The following BMPR1A variants were observed in gnomAD, a reference collection of about 807,000 sequenced individuals.
BMPR1A encodes bone morphogenetic protein receptor type 1A.
Under a neutral mutation model 66.0 loss-of-function variants are expected in BMPR1A, and 7 were observed. That is an observed-to-expected ratio of 0.11 (90% CI 0.06 to 0.20). The LOEUF (loss-of-function observed/expected upper bound fraction) is 0.20, where lower values mean the gene tolerates loss of function less well. Among genes scored for constraint, BMPR1A ranks in the 10% least tolerant of loss-of-function variants. BMPR1A has a pLI of 1.00. For missense variants in BMPR1A, 408 were observed against 669.1 expected (o/e 0.61, Z 4.31); for synonymous variants, 200 against 229.7 (o/e 0.87, Z 1.17).
chr10:86,882,975 C>CA (rs769511232), intron 3 of BMPR1A, among the ~76,000 whole-genome samples: 7 of 151,602 alleles, frequency 4.6e-5, no homozygotes, highest in Non-Finnish European at 8.8e-5. Context: ...AAAAAACAAA[C>CA]AAAAAAACCA....
intron 5 of BMPR1A, among the ~76,000 whole-genome samples, chr10:86,897,271 T>G (rs528077278): frequency 5.1e-4 from 78 of 152,254 alleles, no homozygotes; most frequent in Non-Finnish European, 9.4e-4. Context: ...AGTCTAGAAA[T>G]ACAAAATTGA....
chr10:86,759,661 T>G (rs1380994888), intron 1 of BMPR1A, among the ~76,000 whole-genome samples: 1 of 152,234 alleles, frequency 6.6e-6, no homozygotes, highest in Non-Finnish European at 1.5e-5. Context: ...GAATTCATAT[T>G]GGTGTGAAGG....
intron 2 of BMPR1A, among the ~76,000 whole-genome samples, chr10:86,871,028 T>A (rs1443613852): frequency 1.3e-5 from 2 of 152,162 alleles, no homozygotes; most frequent in African/African-American, 4.8e-5. Flanking sequence ...CTACACTATC[T>A]CTTATTCTCA....
At chr10:86,879,889 A>G (rs1168758391) in intron 3 of BMPR1A, among the ~76,000 whole-genome samples, 1 of 152,216 alleles carries the variant, frequency 6.6e-6, no homozygotes, top group African/African-American at 2.4e-5. Flanking sequence ...TCACTGCTCC[A>G]TAGCATGTAG....
At position 86,828,980 on chromosome 10, in the gene BMPR1A, T is replaced by C. The variant is rs923747341; in HGVS notation, c.-267-9885T>C. Among the ~76,000 whole-genome samples, 12 of 152,138 alleles carry C rather than the reference T, an allele frequency of 7.9e-5. No individual in the cohort carries two copies. The East Asian group carries it at 2.3e-3, about 29-fold the overall frequency. On this transcript the variant is annotated intron_variant, in intron 1 of 12. Transcript: ENST00000372037. ...TGCAAAAGAACATAGAGCTGGGTGA[T>C]TTTCTGGGGTTCAGTCTGTTGCGGG...
Position 86,862,091 on chromosome 10 carries a change from T to C in BMPR1A, c.-152-13776T>C, listed in dbSNP as rs529580169. On this transcript the variant is annotated intron_variant, in intron 2 of 12. Coordinates refer to ENST00000372037, the MANE Select transcript of BMPR1A (RefSeq NM_004329.3). The stretch of plus-strand genomic sequence containing the variant: ...AAACAGACTAACCCTCCTGGCCTCA[T>C]GGAGCATATATTCTAGAGCAGGTGG... 1.5e-4 allele frequency among the ~76,000 whole-genome samples: 23 copies of C among 152,282 alleles called. No homozygotes were observed. The East Asian group carries it at 3.9e-3, about 26-fold the overall frequency.
chr10:86,820,218 T>C (rs1207179249), intron 1 of BMPR1A, among the ~76,000 whole-genome samples: 1 of 152,150 alleles, frequency 6.6e-6, no homozygotes, highest in East Asian at 1.9e-4. Context: ...GTTTAAAAAT[T>C]TTTGGGTAGA....
At chr10:86,931,298 C>CACATATATATATATATATATAT, downstream of BMPR1A, 3 of 90,926 alleles carry the variant, frequency 3.3e-5, no homozygotes, top group African/African-American at 2.1e-4. Flanking sequence ...CACACACACA[C>CACATATATATATATATATATAT]ATATATATAT....
chr10:86,881,129 T>G (rs1243779529), intron 3 of BMPR1A, among the ~76,000 whole-genome samples: 2 of 152,156 alleles, frequency 1.3e-5, no homozygotes, highest in Non-Finnish European at 2.9e-5. Context: ...TGTGCCTGTA[T>G]TCCTGGCTGA....
At chr10:86,866,594 G>C (rs548200694) in intron 2 of BMPR1A, among the ~76,000 whole-genome samples, 6 of 151,616 alleles carry the variant, frequency 4.0e-5, no homozygotes, top group African/African-American at 1.2e-4. Flanking sequence ...ATTTTTAGTA[G>C]AGACAGGGTT....
intron 5 of BMPR1A, among the ~76,000 whole-genome samples, chr10:86,893,740 A>G (rs1484045896): frequency 1.3e-5 from 2 of 151,912 alleles, no homozygotes; most frequent in Non-Finnish European, 2.9e-5. Flanking sequence ...GTGAGCTGAG[A>G]TCGCACCACT....
chr10:86,856,552 C>T (rs59242744), intron 2 of BMPR1A, among the ~76,000 whole-genome samples: 3,043 of 152,220 alleles, frequency 0.02, 93 homozygotes, highest in African/African-American at 0.066. Flanking sequence ...GGTACCAAAA[C>T]CAAGCATGGC....
chr10:86,894,843 A>G (rs1314888443), intron 5 of BMPR1A, among the ~76,000 whole-genome samples: 1 of 152,232 alleles, frequency 6.6e-6, no homozygotes, highest in Non-Finnish European at 1.5e-5. Context: ...ATCCCTGGGT[A>G]CACTCAGACT....
intron 1 of BMPR1A, among the ~76,000 whole-genome samples, chr10:86,793,529 A>G (rs914142867): frequency 6.6e-6 from 1 of 151,726 alleles, no homozygotes; most frequent in Admixed American, 6.6e-5. Flanking sequence ...ACGCCTAGCT[A>G]ATTTTTGTAT....
intron 1 of BMPR1A, among the ~76,000 whole-genome samples, chr10:86,811,710 T>C (rs1173304078): frequency 1.3e-5 from 2 of 152,238 alleles, no homozygotes; most frequent in Admixed American, 6.5e-5. Flanking sequence ...CTCTGTGATA[T>C]TATTTTAGTA....
chr10:86,826,256 A>T (rs1393945504), intron 1 of BMPR1A, among the ~76,000 whole-genome samples: 1 of 152,204 alleles, frequency 6.6e-6, no homozygotes, highest in Admixed American at 6.5e-5. Flanking sequence ...AATATTATCT[A>T]ACATGTGATC....
chr10:86,889,895 T>C (rs1843122638), intron 3 of BMPR1A, among the ~76,000 whole-genome samples, 167 bp from the exon 4 acceptor site: 1 of 152,218 alleles, frequency 6.6e-6, no homozygotes, highest in Non-Finnish European at 1.5e-5. Flanking sequence ...CTGTGCATAA[T>C]AATGTATGTC....
At chr10:86,916,862 G>A (rs993239379) in intron 8 of BMPR1A, among the ~76,000 whole-genome samples, 5 of 151,930 alleles carry the variant, frequency 3.3e-5, no homozygotes, top group Admixed American at 1.3e-4. Flanking sequence ...GCATGGTGGC[G>A]GGTGTCTGTA....
At chr10:86,908,904 C>T (rs1414860429) in intron 7 of BMPR1A, among the ~76,000 whole-genome samples, 1 of 152,172 alleles carries the variant, frequency 6.6e-6, no homozygotes, top group Non-Finnish European at 1.5e-5. Flanking sequence ...TCCTCAGCAT[C>T]AGAGGATCTT....
Sources: gnomAD v4.1 joint callset for allele counts (sites outside exome capture counted in the v4.1 genomes callset) on GRCh38, gnomAD v4.1.1 for gene constraint, MANE v1.5 for transcripts, NCBI Gene and HGNC (gene_info 2026-07-23, HGNC 2026-07-21) for gene names.